Variants in C1orf146 observed in about 807,000 individuals in gnomAD.
C1orf146 encodes the protein protein SPO16 homolog.
A neutral mutation model predicts 23.0 loss-of-function variants in C1orf146; 22 were observed. The ratio of observed to expected loss-of-function variants is 0.96; its 90% confidence interval spans 0.68 to 1.36. C1orf146 has a LOEUF of 1.36. Ranked by LOEUF, C1orf146 falls within the 40% of genes most tolerant of loss-of-function variation. C1orf146 has a pLI of 0.00. For missense variants in C1orf146, 199 were observed against 206.8 expected (o/e 0.96, Z 0.23); for synonymous variants, 59 against 65.3 (o/e 0.90, Z 0.47).
In C1orf146 at chr1:92,242,301, TTCTG is replaced by T; in HGVS notation, c.157_160del (p.Ser53GlufsTer6). The T allele has an allele frequency of 6.4e-7, 1 of 1,565,550 alleles. No individual in the cohort carries two copies. Among genetic ancestry groups the T allele is most frequent in the Non-Finnish European group, 8.7e-7 (1 of 1,143,872 alleles). On this transcript the variant is annotated frameshift_variant and splice_region_variant, in exon 3 of 6. Transcript: ENST00000370375. LOFTEE classifies it high-confidence loss of function. ...AAAATGGATCAATTATATTTTCTCT[TTCTG>T]GTATGGTATATTTGCTCACTGCCTT...
intron 1 of C1orf146, among the ~76,000 whole-genome samples, chr1:92,222,668 G>T (rs572902386): frequency 1.3e-5 from 2 of 148,760 alleles, no homozygotes; most frequent in Non-Finnish European, 3.0e-5. Context: ...CTCACTGCAA[G>T]CTCTGCCTCC....
intron 1 of C1orf146, among the ~76,000 whole-genome samples, chr1:92,222,102 G>A (rs1057367630): frequency 7.9e-5 from 12 of 152,056 alleles, no homozygotes; most frequent in East Asian, 1.9e-4. Context: ...TCAGCCAGGC[G>A]TGGTGGCGCA....
At chr1:92,224,567 T>C (rs373394770) in intron 1 of C1orf146, among the ~76,000 whole-genome samples, 9 of 152,206 alleles carry the variant, frequency 5.9e-5, no homozygotes, top group African/African-American at 2.2e-4. Context: ...GGATCCGAGT[T>C]CATTTTCTAA....
chr1:92,230,150 T>A (rs1235343808), intron 1 of C1orf146, among the ~76,000 whole-genome samples: 1 of 152,070 alleles, frequency 6.6e-6, no homozygotes, highest in Non-Finnish European at 1.5e-5. Flanking sequence ...ATCATCAGCA[T>A]CACCTGTGTA....
intron 2 of C1orf146, among the ~76,000 whole-genome samples, chr1:92,237,598 C>G (rs536186233): frequency 2.6e-4 from 39 of 152,280 alleles, no homozygotes; most frequent in African/African-American, 8.7e-4. Context: ...AGATCTCCAG[C>G]TGCGTGCTGG....
At chr1:92,230,108 A>G (rs1481314214) in intron 1 of C1orf146, among the ~76,000 whole-genome samples, 2 of 152,068 alleles carry the variant, frequency 1.3e-5, no homozygotes, top group Admixed American at 6.5e-5. Context: ...CTCTTAGTGC[A>G]GTGGTTCTTA....
chr1:92,231,162 T>C (rs947535033), intron 1 of C1orf146, among the ~76,000 whole-genome samples: 12 of 152,212 alleles, frequency 7.9e-5, no homozygotes, highest in African/African-American at 2.9e-4. Flanking sequence ...TCTTTGAAGT[T>C]AGTGTGCTGA....
At position 92,229,518 on chromosome 1, in the gene C1orf146, G is replaced by A. The variant is rs548184583; in HGVS notation, c.-39-1864G>A. 4.0e-4 allele frequency: 165 copies of A among 415,420 alleles called. 3 individuals carry two copies. Among genetic ancestry groups the A allele is most frequent in the Non-Finnish European group, 1.2e-4 (26 of 212,094 alleles). 25.7% of individuals were successfully genotyped at this position (415,420 alleles called of 1,614,324 possible). On this transcript the variant is annotated intron_variant, in intron 1 of 5. Coordinates refer to ENST00000370375, the MANE Select transcript of C1orf146 (RefSeq NM_001012425.2). ...CTTGTCCCCATTCTGGACCTGATCC[G>A]GAAGTTTGGCTAACTTTTCTTGATT...
intron 1 of C1orf146, among the ~76,000 whole-genome samples, chr1:92,220,634 A>G (rs1418926670): frequency 1.3e-5 from 2 of 152,234 alleles, no homozygotes; most frequent in East Asian, 1.9e-4. Context: ...TATGAAGTCC[A>G]TTGTTGACTG....
chr1:92,230,384 G>A (rs1288037925), intron 1 of C1orf146, among the ~76,000 whole-genome samples: 11 of 151,990 alleles, frequency 7.2e-5, no homozygotes, highest in African/African-American at 9.7e-5. Context: ...AGGCCGAGGC[G>A]GGTGGATCAC....
rs557589834 is a variant in C1orf146 at position 92,229,409 on chromosome 1, G to A, written c.-39-1973G>A. On this transcript the variant is annotated intron_variant, in intron 1 of 5. Coordinates refer to ENST00000370375, the MANE Select transcript of C1orf146 (RefSeq NM_001012425.2). ...CGTTGCCGATGGTGATGACCTGGCC[G>A]TCGGGCAGCTTGTAGCTCTTCTCCA... is the stretch of plus-strand genomic sequence containing the variant. The A allele has an allele frequency of 7.9e-5, 42 of 532,868 alleles. 2 individuals are homozygous for A. The highest frequency in any genetic ancestry group is 9.0e-4 in the Middle Eastern group (2 of 2,218). 33.0% of individuals were successfully genotyped at this position (532,868 alleles called of 1,614,324 possible).
At chr1:92,236,581 T>C (rs1009048077) in intron 2 of C1orf146, among the ~76,000 whole-genome samples, 6 of 152,308 alleles carry the variant, frequency 3.9e-5, no homozygotes, top group Middle Eastern at 3.4e-3. Context: ...CTGACAATTA[T>C]GTGTCTTGGA....
chr1:92,228,133 A>G (rs759292405), intron 1 of C1orf146, among the ~76,000 whole-genome samples: 12 of 152,284 alleles, frequency 7.9e-5, no homozygotes, highest in South Asian at 2.1e-4. Context: ...CCTCTGACCT[A>G]CATTCCACAC....
chr1:92,243,405 G>C (rs1224824721), intron 3 of C1orf146, among the ~76,000 whole-genome samples: 1 of 152,076 alleles, frequency 6.6e-6, no homozygotes, highest in Non-Finnish European at 1.5e-5. Context: ...GGAGTGCAGT[G>C]GTGTGATCTC....
Position 92,244,214 on chromosome 1 carries a change from T to C in C1orf146, c.161-3T>C. The C allele has an allele frequency of 6.4e-7, 1 of 1,574,570 alleles. No homozygotes were observed. The highest frequency in any genetic ancestry group is 1.1e-5 in the South Asian group (1 of 86,980). On this transcript the variant is annotated splice_polypyrimidine_tract_variant and splice_region_variant and intron_variant, in intron 3 of 5. Coordinates refer to ENST00000370375, the MANE Select transcript of C1orf146 (RefSeq NM_001012425.2). The stretch of plus-strand genomic sequence containing the variant: ...CATTTTATATTCAATTCACCTTTCC[T>C]AGGAGTTGCATTTTTATTAATGGAT...
At chr1:92,233,722 T>C (rs1302132970) in intron 2 of C1orf146, among the ~76,000 whole-genome samples, 1 of 152,242 alleles carries the variant, frequency 6.6e-6, no homozygotes, top group African/African-American at 2.4e-5. Context: ...TTTCCCGATA[T>C]TGATTCTTCC....
intron 2 of C1orf146, among the ~76,000 whole-genome samples, chr1:92,235,020 C>G (rs986638683): frequency 2.0e-5 from 3 of 152,048 alleles, no homozygotes; most frequent in Admixed American, 6.6e-5. Flanking sequence ...TTTAGTCTTG[C>G]TAGCGGTCTA....
At chr1:92,228,336 C>T (rs1557486541) in intron 1 of C1orf146, among the ~76,000 whole-genome samples, 1 of 152,084 alleles carries the variant, frequency 6.6e-6, no homozygotes, top group Non-Finnish European at 1.5e-5. Flanking sequence ...TTTCAGTCTC[C>T]CCTTGGTCTC....
At chr1:92,244,481 A>C in intron 4 of C1orf146, 96 bp downstream of exon 4, 1 of 915,906 alleles carries the variant, frequency 1.1e-6, no homozygotes, top group Admixed American at 2.7e-5. Context: ...TAGATGATGA[A>C]CACTGTGATG....
Sources: allele counts gnomAD v4.1 joint callset (sites outside exome capture counted in the v4.1 genomes callset), GRCh38; gene constraint gnomAD v4.1.1; transcripts MANE v1.5; gene names NCBI Gene and HGNC (gene_info 2026-07-23, HGNC 2026-07-21).